The following DNAAF11 variants were observed in gnomAD, a reference collection of about 807,000 sequenced individuals.
DNAAF11 encodes dynein axonemal assembly factor 11.
Under a neutral mutation model 60.8 loss-of-function variants are expected in DNAAF11, and 45 were observed. The ratio of observed to expected loss-of-function variants is 0.74; its 90% CI spans 0.58 to 0.95. The LOEUF is 0.95. DNAAF11 is among the 40% of genes least tolerant of loss of function. The pLI, the probability that DNAAF11 is intolerant of heterozygous loss-of-function variation, is 0.00. For synonymous variants in DNAAF11, 191 were observed against 183.5 expected (o/e 1.04, Z -0.33); for missense variants, 546 against 546.2 (o/e 1.00, Z 0.00).
chr8:132,670,114 T>C (rs1314810551), intron 1 of DNAAF11, among the ~76,000 whole-genome samples: 1 of 150,620 alleles, frequency 6.6e-6, no homozygotes, highest in African/African-American at 2.4e-5. Context: ...AAGAACAAAT[T>C]AAACCCAAAA....
At chr8:132,588,656 G>A (rs891525892) in intron 10 of DNAAF11, among the ~76,000 whole-genome samples, 1 of 152,212 alleles carries the variant, frequency 6.6e-6, no homozygotes, top group Admixed American at 6.5e-5. Context: ...AGAAAGGATA[G>A]AGAGCAGAAA....
At chr8:132,680,500 T>C (rs897283462), upstream of DNAAF11, among the ~76,000 whole-genome samples, 3 of 152,118 alleles carry the variant, frequency 2.0e-5, no homozygotes, top group African/African-American at 7.2e-5. Flanking sequence ...TTTTAACTTA[T>C]ATAATTTCTT....
At chr8:132,577,964 G>C (rs1814931098) in intron 11 of DNAAF11, among the ~76,000 whole-genome samples, 1 of 152,130 alleles carries the variant, frequency 6.6e-6, no homozygotes, top group Non-Finnish European at 1.5e-5. Flanking sequence ...ACCATGCCTG[G>C]CCAGGCACTT....
At chr8:132,677,018 G>A (rs987629282), upstream of DNAAF11, among the ~76,000 whole-genome samples, 1 of 152,174 alleles carries the variant, frequency 6.6e-6, no homozygotes, top group African/African-American at 2.4e-5. Flanking sequence ...TTATTACTGT[G>A]TGGCATCAGA....
chr8:132,633,019 G>A, intron 4 of DNAAF11, 56 bp from the exon 5 acceptor site: 1 of 1,172,814 alleles, frequency 8.5e-7, no homozygotes, highest in Non-Finnish European at 1.2e-6. Context: ...GTGTGAATCA[G>A]CCCCAGGTTG....
In DNAAF11 at chr8:132,583,771, T is replaced by C; in HGVS notation, c.1149A>G (p.Glu383=). 6.2e-7 allele frequency: 1 copy of C among 1,612,256 alleles called. No homozygotes were observed. ...ATGCTCGCTGACCACCTGTGATTAC[T>C]TCTCCTACCTAAAATAAAAATGAAA... is the stretch of plus-strand genomic sequence containing the variant. ...HLVICMPKVG[E]VITGGQRAFK... The change falls in exon 11 of 12, where the codon GAA becomes GAG. Residue 383 remains glutamate (E), a synonymous_variant. Transcript: ENST00000620350.
At chr8:132,586,382 C>T (rs577839144) in intron 10 of DNAAF11, among the ~76,000 whole-genome samples, 227 of 151,890 alleles carry the variant, frequency 1.5e-3, no homozygotes, top group African/African-American at 5.2e-3. Flanking sequence ...CAACTTAAAA[C>T]TAAAGTTTTG....
intron 10 of DNAAF11, among the ~76,000 whole-genome samples, chr8:132,595,899 G>A (rs1816967380): frequency 6.6e-6 from 1 of 152,200 alleles, no homozygotes; most frequent in Admixed American, 6.5e-5. Context: ...ACACTGGCTT[G>A]ATGGGAGGTG....
chr8:132,675,644 G>T, upstream of DNAAF11: 1 of 713,376 alleles, frequency 1.4e-6, no homozygotes, highest in Non-Finnish European at 2.2e-6. Context: ...ACCAAAACAA[G>T]CCGCGTTTCC....
intron 11 of DNAAF11, among the ~76,000 whole-genome samples, chr8:132,577,415 T>A (rs940696385): frequency 6.6e-6 from 1 of 152,234 alleles, no homozygotes; most frequent in Non-Finnish European, 1.5e-5. Flanking sequence ...TAGCCAAATA[T>A]ATCCTTATAC....
chr8:132,619,186 A>G (rs1819503869), intron 7 of DNAAF11, among the ~76,000 whole-genome samples: 1 of 152,072 alleles, frequency 6.6e-6, no homozygotes, highest in Non-Finnish European at 1.5e-5. Context: ...TTCTCAGTAA[A>G]CTATCGCAAG....
At chr8:132,640,347 ATG>A in intron 3 of DNAAF11, among the ~76,000 whole-genome samples, 1 of 152,172 alleles carries the variant, frequency 6.6e-6, no homozygotes, top group Admixed American at 6.5e-5. Flanking sequence ...GACAACAGTC[ATG>A]GTTATTGGTT....
chr8:132,577,108 C>CT (rs1416273728), intron 11 of DNAAF11, among the ~76,000 whole-genome samples: 1 of 152,154 alleles, frequency 6.6e-6, no homozygotes, highest in African/African-American at 2.4e-5. Context: ...CTAGGAGCTC[C>CT]TACTGTGCCC....
intron 1 of DNAAF11, among the ~76,000 whole-genome samples, chr8:132,672,246 T>A (rs1434517884): frequency 1.3e-5 from 2 of 152,130 alleles, no homozygotes; most frequent in African/African-American, 4.8e-5. Flanking sequence ...ACAAAATGCA[T>A]TCAATAGTAT....
chr8:132,611,137 G>A lies in DNAAF11; in HGVS notation c.1044+157C>T, dbSNP rs185448336. On this transcript the variant is annotated intron_variant, in intron 9 of 11. Coordinates refer to ENST00000620350, the MANE Select transcript of DNAAF11 (RefSeq NM_012472.6). ...TCCAGCTCCTGACCTCAGGTGATCCGCCCGCCTTGGCCTCCCAAAGTGCTG... is the reference window on the plus strand; with the variant it reads ...TCCAGCTCCTGACCTCAGGTGATCCACCCGCCTTGGCCTCCCAAAGTGCTG... 2.1e-3 allele frequency among the ~76,000 whole-genome samples: 318 copies of A among 152,114 alleles called. 3 individuals are homozygous for A. The highest frequency in any genetic ancestry group is 1.8e-3 in the Non-Finnish European group (125 of 67,962).
chr8:132,576,451 T>C (rs1365502341), intron 11 of DNAAF11, among the ~76,000 whole-genome samples: 3 of 152,212 alleles, frequency 2.0e-5, no homozygotes, highest in Non-Finnish European at 4.4e-5. Flanking sequence ...ATAATCATTA[T>C]TGTACTTAAA....
At chr8:132,641,717 T>G (rs1054550877) in intron 3 of DNAAF11, among the ~76,000 whole-genome samples, 1 of 152,192 alleles carries the variant, frequency 6.6e-6, no homozygotes, top group Non-Finnish European at 1.5e-5. Flanking sequence ...AGACTGAGTA[T>G]AGGTGACTAT....
At chr8:132,572,784 T>C (rs1431359972) in intron 11 of DNAAF11, among the ~76,000 whole-genome samples, 3 of 151,852 alleles carry the variant, frequency 2.0e-5, no homozygotes, top group Admixed American at 6.6e-5. Flanking sequence ...TTGTATTTGA[T>C]AACTGAAATG....
In DNAAF11 at chr8:132,669,940, C is replaced by CAA. The variant is rs35402875; in HGVS notation, c.10+5542_10+5543dup. The stretch of plus-strand genomic sequence containing the variant: ...TGGGTGACAGAGCAAGACTCCGTCT[C>CAA]AAAAAAAAAAAAAAAAAAAAAAAAA... On this transcript the variant is annotated intron_variant, in intron 1 of 11. Transcript: ENST00000620350. Among the ~76,000 whole-genome samples the CAA allele has an allele frequency of 5.4e-3, 373 of 69,108 alleles. 1 individual carries two copies. The highest frequency in any genetic ancestry group is 0.01 in the Middle Eastern group (1 of 100). The allele number at this position is 69,108 out of a possible 152,430, so 45.3% of individuals were successfully genotyped here.
Sources: allele counts gnomAD v4.1 joint callset (sites outside exome capture counted in the v4.1 genomes callset), GRCh38; gene constraint gnomAD v4.1.1; transcripts MANE v1.5; gene names NCBI Gene and HGNC (gene_info 2026-07-23, HGNC 2026-07-21).